The following TUSC3 variants were observed in gnomAD, a reference collection of about 807,000 sequenced individuals.
TUSC3 encodes tumor suppressor candidate 3, also known as dolichyl-diphosphooligosaccharide--protein glycosyltransferase subunit TUSC3.
TUSC3 carries 45 observed loss-of-function variants against 44.8 expected under a neutral mutation model. The ratio of observed to expected loss-of-function variants is 1.00; its 90% CI spans 0.79 to 1.29. The LOEUF (loss-of-function observed/expected upper bound fraction) is 1.29. Ranked by LOEUF, TUSC3 falls within the 50% of genes most tolerant of loss-of-function variation. TUSC3 has a pLI of 0.00. For synonymous variants in TUSC3, 212 were observed against 152.9 expected, an observed-to-expected ratio of 1.39 and a Z score of -2.85; for missense variants, 519 against 437.9, an observed-to-expected ratio of 1.19 and a Z score of -1.65.
chr8:15,617,364 T>G (rs1805041651), intron 1 of TUSC3, among the ~76,000 whole-genome samples: 1 of 151,890 alleles, frequency 6.6e-6, no homozygotes, highest in Non-Finnish European at 1.5e-5. Context: ...GGTCTCGAAC[T>G]CCTGACCTCT....
At chr8:15,625,340 G>A (rs1805452867) in intron 2 of TUSC3, among the ~76,000 whole-genome samples, 1 of 152,072 alleles carries the variant, frequency 6.6e-6, no homozygotes, top group Admixed American at 6.5e-5. Flanking sequence ...TGGTATCAGG[G>A]TAATATTGTA....
chr8:15,574,702 C>G (rs749322615), intron 1 of TUSC3, among the ~76,000 whole-genome samples: 13 of 152,098 alleles, frequency 8.5e-5, no homozygotes, highest in Non-Finnish European at 1.5e-4. Flanking sequence ...TGATAGCTAA[C>G]ATTTTTTCAT....
At chr8:15,832,314 C>T in the TUSC3 span, among the ~76,000 whole-genome samples, 1 of 152,072 alleles carries the variant, frequency 6.6e-6, no homozygotes. Context: ...AGACTGTTAC[C>T]AAAAACAACA....
At chr8:15,830,056 G>C in the TUSC3 span, among the ~76,000 whole-genome samples, 3 of 151,768 alleles carry the variant, frequency 2.0e-5, 1 homozygote, top group South Asian at 6.2e-4. Context: ...GTGATGTGGA[G>C]CATTTTTTAA....
At chr8:15,726,268 A>G (rs1810491081) in intron 6 of TUSC3, among the ~76,000 whole-genome samples, 2 of 152,154 alleles carry the variant, frequency 1.3e-5, no homozygotes, top group South Asian at 4.1e-4. Flanking sequence ...TAAGAGGTAT[A>G]GAAACACTAA....
intron 6 of TUSC3, among the ~76,000 whole-genome samples, chr8:15,696,724 G>A (rs537186598): frequency 1.3e-5 from 2 of 152,170 alleles, no homozygotes; most frequent in East Asian, 1.9e-4. Flanking sequence ...TAGCACCTAT[G>A]CTCATCAGGG....
intron 3 of TUSC3, among the ~76,000 whole-genome samples, chr8:15,658,323 A>G (rs190323109): frequency 2.6e-5 from 4 of 152,144 alleles, no homozygotes; most frequent in Admixed American, 2.6e-4. Context: ...CTGTAAAATG[A>G]TTTGGAGCTG....
At chr8:15,697,102 A>T (rs1259990187) in intron 6 of TUSC3, among the ~76,000 whole-genome samples, 1 of 152,032 alleles carries the variant, frequency 6.6e-6, no homozygotes, top group East Asian at 1.9e-4. Context: ...GATCTTTTGT[A>T]TTTCAGTGGT....
the TUSC3 span, among the ~76,000 whole-genome samples, chr8:15,846,672 G>C: frequency 6.6e-6 from 1 of 152,010 alleles, no homozygotes; most frequent in Non-Finnish European, 1.5e-5. Context: ...TGAACAATGA[G>C]AACACATGGA....
At chr8:15,734,420 A>G (rs1810848692) in intron 7 of TUSC3, among the ~76,000 whole-genome samples, 1 of 152,182 alleles carries the variant, frequency 6.6e-6, no homozygotes, top group African/African-American at 2.4e-5. Flanking sequence ...AAACAATCCT[A>G]AGTAGTCTTT....
rs535234526 is a variant in TUSC3, at chr8:15,428,256, G to C, written n.91+10951G>C. Among the ~76,000 whole-genome samples the C allele has an allele frequency of 4.0e-5, 6 of 151,694 alleles. No individual in the cohort carries two copies. In the South Asian group the frequency reaches 1.3e-3, roughly 32 times the overall value. On this transcript the variant is annotated intron_variant and non_coding_transcript_variant, in intron 1 of 5. Transcript: ENST00000503191. ...GTCCTCACGATACTTCGCTGAGAAT[G>C]ATGGGTTCCAGCTTCATCGATGTCC...
chr8:15,542,762 A>G (rs1214375084), intron 1 of TUSC3, among the ~76,000 whole-genome samples: 1 of 152,224 alleles, frequency 6.6e-6, no homozygotes, highest in East Asian at 1.9e-4. Context: ...GTTGAGGATT[A>G]AAAAAGTTTT....
At chr8:15,622,836 G>A (rs934142121) in intron 1 of TUSC3, among the ~76,000 whole-genome samples, 2 of 151,730 alleles carry the variant, frequency 1.3e-5, no homozygotes, top group Non-Finnish European at 1.5e-5. Flanking sequence ...ACCCCCATTG[G>A]CATTCTTGGA....
intron 2 of TUSC3, among the ~76,000 whole-genome samples, chr8:15,645,069 C>G (rs1293750205): frequency 6.6e-6 from 1 of 152,074 alleles, no homozygotes; most frequent in African/African-American, 2.4e-5. Flanking sequence ...ATATGTTTTC[C>G]CAGCCAGACC....
chr8:15,471,575 A>G (rs1442039985), intron 1 of TUSC3, among the ~76,000 whole-genome samples: 1 of 151,960 alleles, frequency 6.6e-6, no homozygotes, highest in Non-Finnish European at 1.5e-5. Context: ...TATGAATCAT[A>G]GTGTTATAAA....
chr8:15,699,537 A>G (rs1458656287), intron 6 of TUSC3, among the ~76,000 whole-genome samples: 1 of 152,228 alleles, frequency 6.6e-6, no homozygotes, highest in African/African-American at 2.4e-5. Context: ...ACTTTTAAAA[A>G]ATGCTGTTTG....
intron 2 of TUSC3, among the ~76,000 whole-genome samples, chr8:15,633,864 G>C (rs1160207698): frequency 1.3e-5 from 2 of 152,072 alleles, no homozygotes; most frequent in Non-Finnish European, 2.9e-5. Flanking sequence ...GTGATACTTT[G>C]TTATGGCCAC....
At chr8:15,570,050 T>G (rs2129142868) in intron 1 of TUSC3, among the ~76,000 whole-genome samples, 1 of 152,264 alleles carries the variant, frequency 6.6e-6, no homozygotes, top group African/African-American at 2.4e-5. Flanking sequence ...TGGAAAATTT[T>G]GCTCAAATAA....
At chr8:15,709,170 A>G (rs1809740134) in intron 6 of TUSC3, among the ~76,000 whole-genome samples, 2 of 151,948 alleles carry the variant, frequency 1.3e-5, no homozygotes, top group South Asian at 2.1e-4. Flanking sequence ...ACTGCATCCA[A>G]CATAATCTGT....
Sources: allele counts gnomAD v4.1 joint callset (sites outside exome capture counted in the v4.1 genomes callset), GRCh38; gene constraint gnomAD v4.1.1; transcripts MANE v1.5; gene names NCBI Gene and HGNC (gene_info 2026-07-23, HGNC 2026-07-21).